The following MCM5 variants were observed in gnomAD, a reference collection of about 807,000 sequenced individuals.
The protein encoded by MCM5 is DNA replication licensing factor MCM5.
MCM5 carries 46 observed loss-of-function variants against 79.9 expected under a neutral mutation model. The ratio of observed to expected loss-of-function variants is 0.58; its 90% CI spans 0.45 to 0.74. The LOEUF is 0.74. Among genes scored for constraint, MCM5 ranks in the 30% least tolerant of loss-of-function variants. The pLI is 0.00. For missense variants in MCM5, 883 were observed against 1,017.0 expected, an observed-to-expected ratio of 0.87 and a Z score of 1.79; for synonymous variants, 404 against 390.5, an observed-to-expected ratio of 1.03 and a Z score of -0.41.
the MCM5 span, among the ~76,000 whole-genome samples, chr22:35,441,073 A>AAAGTAAG: frequency 6.6e-6 from 1 of 151,840 alleles, no homozygotes; most frequent in Non-Finnish European, 1.5e-5. Context: ...AAAAAAAAAA[A>AAAGTAAG]AAGTAAGATC....
At chr22:35,441,909 G>A in the MCM5 span, among the ~76,000 whole-genome samples, 6 of 152,088 alleles carry the variant, frequency 3.9e-5, no homozygotes, top group African/African-American at 1.5e-4. Flanking sequence ...AAAGCCACAA[G>A]CCGGGCCTCT....
chr22:35,418,021 G>A (rs369091751), intron 13 of MCM5, among the ~76,000 whole-genome samples, 165 bp downstream of exon 13: 3 of 152,176 alleles, frequency 2.0e-5, no homozygotes, highest in Non-Finnish European at 4.4e-5. Context: ...CTAACCTTGC[G>A]TAGCTCACTG....
At chr22:35,410,533 A>G in intron 6 of MCM5, 1 of 556,134 alleles carries the variant, frequency 1.8e-6, no homozygotes, top group South Asian at 1.8e-5. Context: ...TGTGGGCAAC[A>G]CCATCCTCCA....
chr22:35,404,153 A>G (rs958869610), intron 4 of MCM5, among the ~76,000 whole-genome samples: 20 of 149,992 alleles, frequency 1.3e-4, no homozygotes, highest in Non-Finnish European at 2.1e-4. Context: ...CTTTATCCCG[A>G]AAAAAAAAAG....
the MCM5 span, among the ~76,000 whole-genome samples, chr22:35,438,266 CCCA>C: frequency 2.5e-5 from 3 of 122,132 alleles, no homozygotes; most frequent in Non-Finnish European, 3.5e-5. Flanking sequence ...CACCCACCCA[CCCA>C]CCCACATATT....
intron 2 of MCM5, chr22:35,401,443 G>C (rs554015011): frequency 4.2e-6 from 2 of 471,148 alleles, no homozygotes; most frequent in South Asian, 3.1e-5. Flanking sequence ...CAGCACTGAA[G>C]CTGGACCTGG....
At position 35,424,775 on chromosome 22, in the gene MCM5, G is replaced by C. The variant is rs1479613616; in HGVS notation, c.*520G>C. The C allele has an allele frequency of 1.3e-5, 2 of 152,376 alleles. No homozygotes were observed. The highest frequency in any genetic ancestry group is 4.8e-5 in the African/African-American group (2 of 41,478). 9.4% of individuals were successfully genotyped at this position (152,376 alleles called of 1,614,324 possible). ...TGTGTGATTTTGATCCGCCTCACCT[G>C]TTCCCCAGTAACTTATTGGGGGGCT... On this transcript the variant is annotated 3_prime_UTR_variant, in exon 17 of 17. Transcript: ENST00000216122.
the MCM5 span, among the ~76,000 whole-genome samples, chr22:35,448,085 C>T: frequency 2.6e-5 from 4 of 152,306 alleles, no homozygotes; most frequent in African/African-American, 7.2e-5. Context: ...TGTCTCATGT[C>T]TGCTGATGTT....
In MCM5 at chr22:35,412,490, C is replaced by G; in HGVS notation, c.920-20C>G. ...AAGAGCTCCCTTGTACTCACTCATG[C>G]GCCTGCTTTGCCTACCAAGGCCGCA... is the stretch of plus-strand genomic sequence containing the variant. On this transcript the variant is annotated intron_variant, in intron 7 of 16. Coordinates refer to ENST00000216122, the MANE Select transcript of MCM5 (RefSeq NM_006739.4). 6.6e-7 allele frequency: 1 copy of G among 1,518,736 alleles called. No individual in the cohort carries two copies. Among genetic ancestry groups the G allele is most frequent in the Non-Finnish European group, 8.8e-7 (1 of 1,130,470 alleles). The allele number at this position is 1,518,736 out of a possible 1,614,324, so 94.1% of individuals were successfully genotyped here.
In MCM5 at chr22:35,424,182, T is replaced by C. The variant is rs149737572; in HGVS notation, c.2132T>C (p.Val711Ala). The part of the protein sequence containing the change: ...QKYPEHAIHK[V>A]LQLMLRRGEI... Reference sequence around the variant, plus strand: ...TACCCGGAGCACGCCATCCACAAGGTGCTGCAGCTCATGCTGCGGCGCGGC... The same window carrying C: ...TACCCGGAGCACGCCATCCACAAGGCGCTGCAGCTCATGCTGCGGCGCGGC... The change falls in exon 17 of 17, where the codon GTG (valine) becomes GCG (alanine). Residue 711 changes from valine to alanine, a missense_variant. This residue lies in a region of MCM5 where 426 missense variants were observed against 482.3 expected (regional missense o/e 0.88). Coordinates refer to ENST00000216122, the MANE Select transcript of MCM5 (RefSeq NM_006739.4). 3.1e-4 allele frequency: 487 copies of C among 1,552,538 alleles called. No individual in the cohort carries two copies. The highest frequency in any genetic ancestry group is 6.7e-4 in the Middle Eastern group (4 of 5,986).
chr22:35,438,351 T>TCACC, the MCM5 span, among the ~76,000 whole-genome samples: 1 of 63,358 alleles, frequency 1.6e-5, no homozygotes, highest in African/African-American at 6.4e-5. Flanking sequence ...ATCCATCCAC[T>TCACC]CACCCACCCA....
chr22:35,438,900 C>T, the MCM5 span, among the ~76,000 whole-genome samples: 2 of 141,458 alleles, frequency 1.4e-5, no homozygotes, highest in Non-Finnish European at 3.1e-5. Flanking sequence ...TCTACATATC[C>T]ATCCATCCAC....
intron 7 of MCM5, among the ~76,000 whole-genome samples, chr22:35,411,811 T>C (rs973481967): frequency 6.6e-6 from 1 of 152,116 alleles, no homozygotes; most frequent in East Asian, 1.9e-4. Flanking sequence ...TTCCAGACTT[T>C]AATAACCAAC....
At chr22:35,449,924 G>C in the MCM5 span, among the ~76,000 whole-genome samples, 626 of 152,258 alleles carry the variant, frequency 4.1e-3, 5 homozygotes, top group African/African-American at 0.015. Context: ...TGGGGCTACA[G>C]GTGTGCACCA....
chr22:35,415,711 C>A, intron 9 of MCM5, 118 bp from the exon 10 acceptor site: 1 of 1,166,422 alleles, frequency 8.6e-7, no homozygotes, highest in Non-Finnish European at 1.2e-6. Flanking sequence ...ATTCTGTACC[C>A]TGCAGCCAGC....
intron 4 of MCM5, among the ~76,000 whole-genome samples, chr22:35,405,614 G>T (rs1020879923): frequency 4.6e-5 from 7 of 152,128 alleles, no homozygotes; most frequent in Non-Finnish European, 7.4e-5. Flanking sequence ...TGATCCGTCC[G>T]CCTCGGCCTT....
rs4645798 is a variant in MCM5, at chr22:35,417,192, G to A, written c.1590+378G>A. 6.3e-3 allele frequency among the ~76,000 whole-genome samples: 962 copies of A among 152,266 alleles called. 23 individuals are homozygous for A. The South Asian group carries it at 0.083, about 13-fold the overall frequency. On this transcript the variant is annotated intron_variant, in intron 12 of 16. Coordinates refer to ENST00000216122, the MANE Select transcript of MCM5 (RefSeq NM_006739.4). Reference sequence around the variant, plus strand: ...AGTGGTTTATAGAATTGGTAAGTCCGGCGGCTTAAGGCCCAGGTAGATCTG... The same window carrying A: ...AGTGGTTTATAGAATTGGTAAGTCCAGCGGCTTAAGGCCCAGGTAGATCTG...
chr22:35,453,396 G>T, the MCM5 span, among the ~76,000 whole-genome samples: 1 of 151,248 alleles, frequency 6.6e-6, no homozygotes, highest in Non-Finnish European at 1.5e-5. Flanking sequence ...AGACAGAGAA[G>T]GAGACACTGA....
the MCM5 span, among the ~76,000 whole-genome samples, chr22:35,446,631 C>T: frequency 1.3e-5 from 2 of 152,026 alleles, no homozygotes; most frequent in Non-Finnish European, 2.9e-5. Context: ...ACAACCGGGG[C>T]GCCTGCAGGA....
Sources: allele counts gnomAD v4.1 joint callset (sites outside exome capture counted in the v4.1 genomes callset), GRCh38; gene constraint gnomAD v4.1.1; regional missense constraint gnomAD v4.1.1; transcripts MANE v1.5; gene names NCBI Gene and HGNC (gene_info 2026-07-23, HGNC 2026-07-21).